NLRP4: variants seen among roughly 807,000 people sequenced by gnomAD.
The protein encoded by NLRP4 is NLR family pyrin domain containing 4.
A neutral mutation model predicts 84.7 loss-of-function variants in NLRP4; 44 were observed. The ratio of observed to expected loss-of-function variants is 0.52; its 90% confidence interval spans 0.41 to 0.67. The LOEUF (loss-of-function observed/expected upper bound fraction) is 0.67, where lower values mean the gene tolerates loss of function less well. Among genes scored for constraint, NLRP4 ranks in the 30% least tolerant of loss-of-function variants. NLRP4 has a pLI of 0.00. For missense variants in NLRP4, 1,260 were observed against 1,219.4 expected (o/e 1.03, Z -0.50); for synonymous variants, 544 against 476.4 (o/e 1.14, Z -1.85).
At chr19:55,873,408 G>A (rs1188074570) in intron 7 of NLRP4, among the ~76,000 whole-genome samples, 1 of 152,062 alleles carries the variant, frequency 6.6e-6, no homozygotes, top group Non-Finnish European at 1.5e-5. Flanking sequence ...AACAAAAATT[G>A]AACAGGTAAG....
Position 55,858,370 on chromosome 19 carries a change from A to G in NLRP4, c.977A>G (p.Asn326Ser), listed in dbSNP as rs574516006. 150 of 1,614,172 alleles carry G rather than the reference A, an allele frequency of 9.3e-5. 2 individuals are homozygous for G. In the South Asian group the frequency reaches 1.5e-3, roughly 16 times the overall value. Residue 326 changes from asparagine to serine, a missense_variant, in exon 3 of 10, where the codon AAT becomes AGT. Asn to Ser is a conservative substitution (Grantham distance 46). Around this residue, in one of 3 missense-constraint regions of NLRP4, gnomAD observed 712 missense variants for 669.2 expected, o/e 1.06. Transcript: ENST00000301295. The surrounding 1 kb of genome is among the most constrained non-coding windows in gnomAD (Gnocchi z 4.2). ...CCGAAAAGAGCCATGGAAGCCTTCA[A>G]TCTTGTAAGAGAAAGTGAACAGCTG... ...KDPKRAMEAFNLVRESEQLFS... is the reference protein window; with the variant it reads ...KDPKRAMEAFSLVRESEQLFS...
At chr19:55,862,740 T>C (rs189234268) in intron 5 of NLRP4, among the ~76,000 whole-genome samples, 53 of 148,974 alleles carry the variant, frequency 3.6e-4, no homozygotes, top group Non-Finnish European at 5.4e-4. Context: ...CGTAAGTCTC[T>C]GTTTATTGAG....
chr19:55,857,638 T>C (rs1446603951), intron 2 of NLRP4, 36 bp from the exon 3 acceptor site: 6 of 1,594,676 alleles, frequency 3.8e-6, no homozygotes, highest in South Asian at 1.1e-5. Flanking sequence ...TGCTTAACTT[T>C]GTGGGTTTTC....
At chr19:55,868,224 A>G (rs1985038035) in intron 6 of NLRP4, among the ~76,000 whole-genome samples, 1 of 152,116 alleles carries the variant, frequency 6.6e-6, no homozygotes, top group South Asian at 2.1e-4. Flanking sequence ...GGTTATTTCG[A>G]GCATGTAGAA....
chr19:55,875,139 A>G (rs1985321193), intron 7 of NLRP4, among the ~76,000 whole-genome samples: 1 of 152,230 alleles, frequency 6.6e-6, no homozygotes, highest in Non-Finnish European at 1.5e-5. Context: ...ACATTTGTCT[A>G]ATGATGAGAG....
In NLRP4 at chr19:55,862,089, C is replaced by T. The variant is rs1426150497; in HGVS notation, c.2116C>T (p.Leu706Phe). Residue 706 changes from leucine to phenylalanine, a missense_variant, in exon 5 of 10, where the codon CTC becomes TTC. Physicochemically the swap from Leu to Phe is conservative, Grantham distance 22. This residue lies in a region of NLRP4 where 544 missense variants were observed against 531.7 expected (regional missense o/e 1.02). Coordinates refer to ENST00000301295, the MANE Select transcript of NLRP4 (RefSeq NM_134444.5). ...ATACCTGAGCTTCACCCTCACGAAACTCTCTCGTGATGACATCAGGTCCCT... is the reference window on the plus strand; with the variant it reads ...ATACCTGAGCTTCACCCTCACGAAATTCTCTCGTGATGACATCAGGTCCCT... ...LKYLSFTLTK[L>F]SRDDIRSLCD... 1 of 1,612,418 alleles carries T rather than the reference C, an allele frequency of 6.2e-7. No homozygotes were observed. The highest frequency in any genetic ancestry group is 2.2e-5 in the East Asian group (1 of 44,890).
intron 1 of NLRP4, among the ~76,000 whole-genome samples, chr19:55,846,630 C>T (rs892766888): frequency 6.6e-6 from 1 of 151,904 alleles, no homozygotes; most frequent in African/African-American, 2.4e-5. Flanking sequence ...AACTATTTGC[C>T]CAAAATTAAC....
intron 1 of NLRP4, among the ~76,000 whole-genome samples, chr19:55,851,187 G>T (rs1259425776): frequency 2.6e-4 from 7 of 26,578 alleles, no homozygotes; most frequent in Admixed American, 3.0e-4. Flanking sequence ...GCGGTGTAAT[G>T]TCCGAGGCTG....
chr19:55,847,414 G>T (rs1398311607), intron 1 of NLRP4, among the ~76,000 whole-genome samples: 2 of 152,138 alleles, frequency 1.3e-5, no homozygotes, highest in Admixed American at 6.6e-5. Context: ...ACGTATGCTT[G>T]AAAAGAATGT....
intron 1 of NLRP4, among the ~76,000 whole-genome samples, chr19:55,846,923 G>T (rs984863063): frequency 6.6e-6 from 1 of 151,964 alleles, no homozygotes; most frequent in Non-Finnish European, 1.5e-5. Flanking sequence ...CCTAATTTTT[G>T]TGGGTTTTAT....
chr19:55,859,453 C>T (rs573230132), intron 3 of NLRP4, among the ~76,000 whole-genome samples: 1 of 152,028 alleles, frequency 6.6e-6, no homozygotes, highest in African/African-American at 2.4e-5. Flanking sequence ...TGCAGTGGCC[C>T]CATTACAGAA....
chr19:55,881,624 A>G lies in NLRP4; in HGVS notation c.*37A>G, dbSNP rs777494813. 3.1e-6 allele frequency: 3 copies of G among 981,364 alleles called. No individual in the cohort carries two copies. The highest frequency in any genetic ancestry group is 4.8e-5 in the East Asian group (2 of 41,834). The allele number at this position is 981,364 out of a possible 1,614,324, so 60.8% of individuals were successfully genotyped here. On this transcript the variant is annotated 3_prime_UTR_variant, in exon 10 of 10. Coordinates refer to ENST00000301295, the MANE Select transcript of NLRP4 (RefSeq NM_134444.5). Reference sequence around the variant, plus strand: ...CTGGGCTCTGACTCGAACACCTGCAAAGGACAGGGACTGGGACCGTTACTT... The same window carrying G: ...CTGGGCTCTGACTCGAACACCTGCAGAGGACAGGGACTGGGACCGTTACTT...
intron 5 of NLRP4, among the ~76,000 whole-genome samples, chr19:55,867,133 C>T (rs1984986818): frequency 6.7e-6 from 1 of 150,020 alleles, no homozygotes; most frequent in African/African-American, 2.5e-5. Context: ...CGGTGCATCT[C>T]AGGTTGGCTG....
chr19:55,867,957 T>C lies in NLRP4; in HGVS notation c.2354+81T>C, dbSNP rs1985026858. On this transcript the variant is annotated intron_variant, in intron 6 of 9. Coordinates refer to ENST00000301295, the MANE Select transcript of NLRP4 (RefSeq NM_134444.5). ...GGGCCTATTGATGACAGTCTGCTCATTGATGGAGGCCACATAGCGGAGGTT... is the reference window on the plus strand; with the variant it reads ...GGGCCTATTGATGACAGTCTGCTCACTGATGGAGGCCACATAGCGGAGGTT... 17 of 1,232,284 alleles carry C rather than the reference T, an allele frequency of 1.4e-5. No homozygotes were observed. In the South Asian group the frequency reaches 1.5e-4, roughly 11 times the overall value. 76.3% of individuals were successfully genotyped at this position (1,232,284 alleles called of 1,614,324 possible).
chr19:55,840,344 A>ATGTGTGTGTGTGTGTGTG (rs762148583), intron 1 of NLRP4, among the ~76,000 whole-genome samples: 6 of 119,656 alleles, frequency 5.0e-5, no homozygotes, highest in African/African-American at 1.6e-4. Context: ...GTGTATGTGT[A>ATGTGTGTGTGTGTGTGTG]TGTGTGTGTG....
At chr19:55,873,638 T>A (rs751886878) in intron 7 of NLRP4, among the ~76,000 whole-genome samples, 3 of 151,916 alleles carry the variant, frequency 2.0e-5, no homozygotes, top group Non-Finnish European at 4.4e-5. Flanking sequence ...TTTACCTCAA[T>A]AAAATGATGA....
intron 7 of NLRP4, 99 bp downstream of exon 7, chr19:55,871,096 G>A (rs917192320): frequency 1.9e-6 from 2 of 1,027,830 alleles, no homozygotes; most frequent in Non-Finnish European, 2.9e-6. Flanking sequence ...TGTAGTGTCT[G>A]TGCCTGGGCA....
chr19:55,845,821 T>C (rs1283932577), intron 1 of NLRP4, among the ~76,000 whole-genome samples: 1 of 145,188 alleles, frequency 6.9e-6, no homozygotes, highest in Non-Finnish European at 1.5e-5. Context: ...TGCATAAATG[T>C]CTTCTTTTGA....
intron 7 of NLRP4, among the ~76,000 whole-genome samples, chr19:55,871,604 A>G (rs552048820): frequency 1.3e-5 from 2 of 152,320 alleles, no homozygotes; most frequent in African/African-American, 4.8e-5. Context: ...TGAAAAATAC[A>G]GAGGCTTCTG....
Sources: allele counts gnomAD v4.1 joint callset (sites outside exome capture counted in the v4.1 genomes callset), GRCh38; gene constraint gnomAD v4.1.1; regional missense constraint gnomAD v4.1.1; non-coding constraint Gnocchi (gnomAD v3.1); transcripts MANE v1.5; gene names NCBI Gene and HGNC (gene_info 2026-07-23, HGNC 2026-07-21).